Variants in SPTB observed in about 807,000 individuals in gnomAD.
The protein encoded by SPTB is spectrin beta chain, erythrocytic.
SPTB carries 45 observed loss-of-function variants against 256.2 expected under a neutral mutation model. The observed-to-expected ratio is 0.18, with a 90% confidence interval of 0.14 to 0.23. SPTB has a LOEUF of 0.23. SPTB is among the 10% of genes least tolerant of loss of function. SPTB has a pLI of 1.00. For synonymous variants in SPTB, 1,231 were observed against 1,243.1 expected, an observed-to-expected ratio of 0.99 and a Z score of 0.21; for missense variants, 2,715 against 3,040.4, an observed-to-expected ratio of 0.89 and a Z score of 2.52.
At chr14:64,812,714 G>A (rs1366055416) in intron 2 of SPTB, among the ~76,000 whole-genome samples, 2 of 152,082 alleles carry the variant, frequency 1.3e-5, no homozygotes, top group African/African-American at 4.8e-5. Context: ...CATCTGGGAA[G>A]TTCACCATCA....
Position 64,873,069 on chromosome 14 carries a change from T to C in SPTB, c.-52+6723A>G, listed in dbSNP as rs1882632815. 6.6e-6 allele frequency among the ~76,000 whole-genome samples: 1 copy of C among 152,206 alleles called. No individual in the cohort carries two copies. Among genetic ancestry groups the C allele is most frequent in the Non-Finnish European group, 1.5e-5 (1 of 68,032 alleles). On this transcript the variant is annotated intron_variant, in intron 1 of 35. Transcript: ENST00000644917. This position sits in a 1 kb window ranked among gnomAD's most constrained non-coding sequence, Gnocchi z 4.3. ...AAACATCCCATGCCTCTCTCCCCAC[T>C]TCATTTGAGTCTCAGCCCAAATGAA...
chr14:64,822,930 G>A lies in SPTB; in HGVS notation c.148+17C>T. The stretch of plus-strand genomic sequence containing the variant: ...ACTGTGAGAATGCCCTCCAACCCTT[G>A]TGGCCCCAAACAGTACCTGCCAAGG... On this transcript the variant is annotated intron_variant, in intron 2 of 35. Coordinates refer to ENST00000644917, the MANE Select transcript of SPTB (RefSeq NM_001355436.2). 3 of 1,612,874 alleles carry A rather than the reference G, an allele frequency of 1.9e-6. No homozygotes were observed. Among genetic ancestry groups the A allele is most frequent in the Non-Finnish European group, 2.5e-6 (3 of 1,180,026 alleles).
intron 1 of SPTB, among the ~76,000 whole-genome samples, chr14:64,877,380 C>T (rs78841737): frequency 0.018 from 2,710 of 152,260 alleles, 33 homozygotes; most frequent in Middle Eastern, 0.027. Context: ...ATCTTCCCAA[C>T]TTGTACTTTA....
intron 24 of SPTB, 61 bp from the exon 25 acceptor site, chr14:64,773,485 C>A: frequency 1.2e-5 from 19 of 1,571,322 alleles, no homozygotes; most frequent in Non-Finnish European, 1.7e-5. Context: ...AGCCGTGGCT[C>A]CAGGGAGCCA....
chr14:64,769,524 G>T, intron 28 of SPTB, 66 bp downstream of exon 28: 1 of 1,599,198 alleles, frequency 6.3e-7, no homozygotes, highest in Non-Finnish European at 8.5e-7. Context: ...CTCCCAGGAG[G>T]CTGCCTGGCT....
chr14:64,873,572 C>T lies in SPTB; in HGVS notation c.-52+6220G>A, dbSNP rs1402782115. On this transcript the variant is annotated intron_variant, in intron 1 of 35. Transcript: ENST00000644917. The surrounding 1 kb of genome is among the most constrained non-coding windows in gnomAD (Gnocchi z 4.3). ...TGCTTTGGAACAGCATCTGTGCATA[C>T]TCTGGAGGGCCATTCTTGAGGTTCT... Among the ~76,000 whole-genome samples the T allele has an allele frequency of 6.6e-6, 1 of 152,186 alleles. No individual in the cohort carries two copies. The highest frequency in any genetic ancestry group is 1.5e-5 in the Non-Finnish European group (1 of 68,042).
intron 2 of SPTB, among the ~76,000 whole-genome samples, chr14:64,810,800 A>G (rs973811282): frequency 2.0e-5 from 3 of 152,246 alleles, no homozygotes; most frequent in African/African-American, 7.2e-5. Context: ...TAAAAAATTG[A>G]AAGTTCAACT....
At chr14:64,877,165 A>C (rs971281802) in intron 1 of SPTB, among the ~76,000 whole-genome samples, 2 of 152,154 alleles carry the variant, frequency 1.3e-5, no homozygotes, top group Non-Finnish European at 2.9e-5. Context: ...AAAAAAAAAA[A>C]AATCCATGCT....
At chr14:64,868,519 A>C (rs1882330089) in intron 1 of SPTB, among the ~76,000 whole-genome samples, 1 of 152,240 alleles carries the variant, frequency 6.6e-6, no homozygotes, top group Non-Finnish European at 1.5e-5. Context: ...TGTGAAGCTG[A>C]TCTGGGACTG....
intron 2 of SPTB, among the ~76,000 whole-genome samples, chr14:64,809,311 ATAGC>A: frequency 6.7e-6 from 1 of 150,192 alleles, no homozygotes; most frequent in East Asian, 2.0e-4. Flanking sequence ...GGGCTAGGGA[ATAGC>A]TACAGGTTAG....
rs1321744384 is a variant in SPTB at position 64,853,377 on chromosome 14, G to A, written c.-52+26415C>T. ...GAACCTCTTCCTCAGGATATGCCCA[G>A]GAAGCCATCAAAGAACAAAGCAATT... On this transcript the variant is annotated intron_variant, in intron 1 of 35. Coordinates refer to ENST00000644917, the MANE Select transcript of SPTB (RefSeq NM_001355436.2). The surrounding 1 kb of genome is among the most constrained non-coding windows in gnomAD (Gnocchi z 4.3). Among the ~76,000 whole-genome samples, 2 of 152,204 alleles carry A rather than the reference G, an allele frequency of 1.3e-5. No individual in the cohort carries two copies. The highest frequency in any genetic ancestry group is 2.9e-5 in the Non-Finnish European group (2 of 68,034).
chr14:64,802,175 G>C lies in SPTB; in HGVS notation c.566+51C>G, dbSNP rs562494404. ...CCTCTGGAGATGGCAGTGCTTGTGC[G>C]GAGCAAGGGGCTGGTGGTGGATGTG... On this transcript the variant is annotated intron_variant, in intron 5 of 35. Transcript: ENST00000644917. The surrounding 1 kb of genome is among the most constrained non-coding windows in gnomAD (Gnocchi z 5.1). The C allele has an allele frequency of 1.3e-6, 2 of 1,555,312 alleles. No homozygotes were observed. Among genetic ancestry groups the C allele is most frequent in the Non-Finnish European group, 8.9e-7 (1 of 1,126,960 alleles).
Position 64,845,588 on chromosome 14 carries a change from T to G in SPTB, c.-51-22443A>C, listed in dbSNP as rs1288636980. 6.6e-6 allele frequency among the ~76,000 whole-genome samples: 1 copy of G among 152,338 alleles called. No individual in the cohort carries two copies. The highest frequency in any genetic ancestry group is 1.9e-4 in the East Asian group (1 of 5,184). Reference sequence around the variant, plus strand: ...TTAAAGTTTTACCAGACTATAGGACTGTAGAGATGAAAAGCAAAAGGTTGT... The same window carrying G: ...TTAAAGTTTTACCAGACTATAGGACGGTAGAGATGAAAAGCAAAAGGTTGT... On this transcript the variant is annotated intron_variant, in intron 1 of 35. Transcript: ENST00000644917. This position sits in a 1 kb window ranked among gnomAD's most constrained non-coding sequence, Gnocchi z 4.8.
At position 64,787,170 on chromosome 14, in the gene SPTB, G is replaced by T. The variant is rs1270824429; in HGVS notation, c.2805-10C>A. 3 of 1,602,734 alleles carry T rather than the reference G, an allele frequency of 1.9e-6. No homozygotes were observed. Among genetic ancestry groups the T allele is most frequent in the Non-Finnish European group, 2.5e-6 (3 of 1,179,934 alleles). ...CTGAAATGCCTGCCACCTGCCGGAT[G>T]GGGACACAGCCCGGAGGAGAGAGAC... On this transcript the variant is annotated splice_polypyrimidine_tract_variant and intron_variant, in intron 15 of 35. Coordinates refer to ENST00000644917, the MANE Select transcript of SPTB (RefSeq NM_001355436.2).
At chr14:64,767,382 G>C (rs11623010) in intron 30 of SPTB, 30 bp from the exon 31 acceptor site, 271 of 1,613,098 alleles carry the variant, frequency 1.7e-4, no homozygotes, top group Middle Eastern at 3.3e-4. Context: ...AGGGGTCAGA[G>C]CAGCCACAGA....
intron 1 of SPTB, among the ~76,000 whole-genome samples, chr14:64,859,708 CTCTCTCTCTCTCTATA>C (rs2083929786): frequency 7.0e-5 from 2 of 28,524 alleles, no homozygotes; most frequent in Non-Finnish European, 5.0e-4. Context: ...CTCTCTCTCT[CTCTCTCTCTCTCTATA>C]TATATATATA....
Position 64,772,555 on chromosome 14 carries a change from G to GAAAT in SPTB, c.5553+24_5553+25insATTT. ...CAGGGCTCCTGGAAATTGGTAGCAG[G>GAAAT]TGGGCGGCAGGGGGCTGAAGGTACC... On this transcript the variant is annotated intron_variant, in intron 26 of 35. Transcript: ENST00000644917. The surrounding 1 kb of genome is among the most constrained non-coding windows in gnomAD (Gnocchi z 5.4). The GAAAT allele has an allele frequency of 6.2e-7, 1 of 1,600,910 alleles. No homozygotes were observed. The highest frequency in any genetic ancestry group is 1.1e-5 in the South Asian group (1 of 90,890).
chr14:64,771,153 T>C (rs975940542), intron 26 of SPTB, 24 bp from the exon 27 acceptor site: 5 of 1,612,306 alleles, frequency 3.1e-6, no homozygotes, highest in Admixed American at 3.3e-5. Flanking sequence ...AAATCAGACA[T>C]TGTTCCCTGG....
At chr14:64,822,368 T>TCA (rs1594814472) in intron 2 of SPTB, among the ~76,000 whole-genome samples, 1 of 544 alleles carries the variant, frequency 1.8e-3, no homozygotes, top group African/African-American at 5.3e-3. Flanking sequence ...TCTCTCTCTC[T>TCA]CTCTCTCACA....
Sources: gnomAD v4.1 joint callset for allele counts (sites outside exome capture counted in the v4.1 genomes callset) on GRCh38, gnomAD v4.1.1 for gene constraint, Gnocchi (gnomAD v3.1) non-coding constraint, MANE v1.5 for transcripts, NCBI Gene and HGNC (gene_info 2026-07-23, HGNC 2026-07-21) for gene names.